MAP3K4: variants seen among roughly 807,000 people sequenced by gnomAD.
MAP3K4 encodes mitogen-activated protein kinase kinase kinase 4, also known as MAP three kinase 1.
Under a neutral mutation model 185.6 loss-of-function variants are expected in MAP3K4, and 67 were observed. The observed-to-expected ratio is 0.36, with a 90% CI of 0.30 to 0.44. The LOEUF is 0.44. MAP3K4 is among the 20% of genes least tolerant of loss of function. The pLI, the probability that MAP3K4 is intolerant of heterozygous loss-of-function variation, is 1.00. For synonymous variants in MAP3K4, 702 were observed against 710.4 expected, an observed-to-expected ratio of 0.99 and a Z score of 0.19; for missense variants, 1,551 against 1,995.1, an observed-to-expected ratio of 0.78 and a Z score of 4.24.
At position 161,097,640 on chromosome 6, in the gene MAP3K4, A is replaced by G. The variant is rs1309734092; in HGVS notation, c.3524+464A>G. On this transcript the variant is annotated intron_variant, in intron 16 of 26. Transcript: ENST00000392142. This position sits in a 1 kb window ranked among gnomAD's most constrained non-coding sequence, Gnocchi z 4.9. ...AACACTAAGTGAATTCAGAAACTAT[A>G]GTACATTCACGATAACTGCCTTGAA... Among the ~76,000 whole-genome samples the G allele has an allele frequency of 6.6e-6, 1 of 152,262 alleles. No individual in the cohort carries two copies. Among genetic ancestry groups the G allele is most frequent in the Non-Finnish European group, 1.5e-5 (1 of 68,042 alleles).
Position 161,091,364 on chromosome 6 carries a change from G to T in MAP3K4, c.2974-15G>T, listed in dbSNP as rs779889021. 5 of 1,608,282 alleles carry T rather than the reference G, an allele frequency of 3.1e-6. No individual in the cohort carries two copies. In the South Asian group the frequency reaches 4.4e-5, roughly 14 times the overall value. ...TTTGCTTCATTTTGCATTAATCATG[G>T]TTTGGACTCTTCAGAATGATGCATT... On this transcript the variant is annotated splice_polypyrimidine_tract_variant and intron_variant, in intron 11 of 26. Coordinates refer to ENST00000392142, the MANE Select transcript of MAP3K4 (RefSeq NM_005922.4). The surrounding 1 kb of genome is among the most constrained non-coding windows in gnomAD (Gnocchi z 5.5).
chr6:161,108,916 A>G lies in MAP3K4; in HGVS notation c.4236+57A>G. On this transcript the variant is annotated intron_variant, in intron 22 of 26. Coordinates refer to ENST00000392142, the MANE Select transcript of MAP3K4 (RefSeq NM_005922.4). The surrounding 1 kb of genome is among the most constrained non-coding windows in gnomAD (Gnocchi z 5.7). ...AGGAATCAGTGAGGGCACAGAATGG[A>G]GTCCTGTTCTACATCACAGGTCTTC... 6.3e-7 allele frequency: 1 copy of G among 1,590,260 alleles called. No homozygotes were observed. The highest frequency in any genetic ancestry group is 1.3e-5 in the African/African-American group (1 of 74,580).
At chr6:160,995,204 G>A (rs1293075150) in intron 1 of MAP3K4, among the ~76,000 whole-genome samples, 1 of 152,138 alleles carries the variant, frequency 6.6e-6, no homozygotes, top group African/African-American at 2.4e-5. Context: ...AATTAGTGAT[G>A]TTGAGCATTT....
intron 25 of MAP3K4, among the ~76,000 whole-genome samples, chr6:161,113,789 A>ATTTTTT (rs1436022473): frequency 9.9e-6 from 1 of 101,118 alleles, no homozygotes; most frequent in African/African-American, 3.9e-5. Context: ...CATATGAGTG[A>ATTTTTT]CTTTTTTTTT....
chr6:161,026,652 A>G (rs1057184901), intron 1 of MAP3K4, among the ~76,000 whole-genome samples: 1 of 152,092 alleles, frequency 6.6e-6, no homozygotes, highest in Non-Finnish European at 1.5e-5. Flanking sequence ...CAAAATTGCA[A>G]AAATAACAGA....
intron 3 of MAP3K4, among the ~76,000 whole-genome samples, chr6:161,065,937 C>CAAAAA (rs34648628): frequency 5.1e-5 from 4 of 78,790 alleles, no homozygotes; most frequent in South Asian, 5.3e-4. Context: ...GACTCCGTCT[C>CAAAAA]AAAAAAAAAA....
At position 161,098,235 on chromosome 6, in the gene MAP3K4, C is replaced by T; in HGVS notation, c.3525-43C>T. On this transcript the variant is annotated intron_variant, in intron 16 of 26. Transcript: ENST00000392142. The surrounding 1 kb of genome is among the most constrained non-coding windows in gnomAD (Gnocchi z 4.4). The stretch of plus-strand genomic sequence containing the variant: ...TTGAAAACAATTTTCAAGTCCGTTC[C>T]CTCTTCTCACATGTGTTCCTGAAGC... 4 of 1,543,314 alleles carry T rather than the reference C, an allele frequency of 2.6e-6. No individual in the cohort carries two copies. Among genetic ancestry groups the T allele is most frequent in the Non-Finnish European group, 3.5e-6 (4 of 1,139,438 alleles).
At chr6:161,069,800 G>A (rs1784857909) in intron 3 of MAP3K4, among the ~76,000 whole-genome samples, 1 of 152,072 alleles carries the variant, frequency 6.6e-6, no homozygotes, top group South Asian at 2.1e-4. Flanking sequence ...ATGATGGGGA[G>A]GGGAGAAATA....
chr6:161,028,988 G>A (rs1221345344), intron 1 of MAP3K4, among the ~76,000 whole-genome samples: 8 of 152,134 alleles, frequency 5.3e-5, no homozygotes, highest in African/African-American at 1.7e-4. Context: ...AGCTCCCTTT[G>A]ATTAATACTT....
chr6:161,044,717 A>G (rs1455910001), intron 2 of MAP3K4, among the ~76,000 whole-genome samples: 1 of 152,212 alleles, frequency 6.6e-6, no homozygotes, highest in Admixed American at 6.5e-5. Flanking sequence ...TATTTGGCTC[A>G]TGGTTCTGTA....
chr6:161,081,413 C>T (rs117189174), intron 6 of MAP3K4, among the ~76,000 whole-genome samples: 2,173 of 152,144 alleles, frequency 0.014, 18 homozygotes, highest in Non-Finnish European at 0.023. Flanking sequence ...ACTCTTTTTC[C>T]CCCTAATAAA....
rs1219959579 is a variant in MAP3K4, at chr6:161,103,934, G to C, written c.3856+1155G>C. On this transcript the variant is annotated intron_variant, in intron 19 of 26. Coordinates refer to ENST00000392142, the MANE Select transcript of MAP3K4 (RefSeq NM_005922.4). The surrounding 1 kb of genome is among the most constrained non-coding windows in gnomAD (Gnocchi z 4.6). Reference sequence around the variant, plus strand: ...GTGTGTGTTGAGGGTTCAAGTGGGGGAGTTTTCCTAGGCTTGAGCCAGGTG... The same window carrying C: ...GTGTGTGTTGAGGGTTCAAGTGGGGCAGTTTTCCTAGGCTTGAGCCAGGTG... Among the ~76,000 whole-genome samples the C allele has an allele frequency of 6.6e-6, 1 of 152,158 alleles. No homozygotes were observed. The highest frequency in any genetic ancestry group is 2.4e-5 in the African/African-American group (1 of 41,428).
At chr6:161,027,098 AC>A (rs1480433024) in intron 1 of MAP3K4, among the ~76,000 whole-genome samples, 3 of 152,130 alleles carry the variant, frequency 2.0e-5, no homozygotes, top group Admixed American at 6.6e-5. Flanking sequence ...TCATCCACTT[AC>A]CTACTTTTCC....
At chr6:161,012,996 A>C (rs1781918738) in intron 1 of MAP3K4, among the ~76,000 whole-genome samples, 1 of 152,246 alleles carries the variant, frequency 6.6e-6, no homozygotes, top group South Asian at 2.1e-4. Flanking sequence ...ACCTCTCGGT[A>C]CATACCACAA....
In MAP3K4 at chr6:160,991,928, A is replaced by G. The variant is rs1241022785; in HGVS notation, c.-4A>G. The G allele has an allele frequency of 6.5e-7, 1 of 1,533,070 alleles. No homozygotes were observed. Among genetic ancestry groups the G allele is most frequent in the African/African-American group, 1.4e-5 (1 of 70,732 alleles). 95.0% of individuals were successfully genotyped at this position (1,533,070 alleles called of 1,614,324 possible). A position where few individuals can be genotyped will look rare whatever the true frequency, so the allele number is the denominator to read the frequency against. On this transcript the variant is annotated 5_prime_UTR_variant, in exon 1 of 27. Coordinates refer to ENST00000392142, the MANE Select transcript of MAP3K4 (RefSeq NM_005922.4). The surrounding 1 kb of genome is among the most constrained non-coding windows in gnomAD (Gnocchi z 5.7). ...GCCGCGGCCATGCGGGGCTCCGTGC[A>G]CGGATGAGAGAAGCCGCTGCCGCGC...
In MAP3K4 at chr6:161,080,786, C is replaced by G. The variant is rs1429369742; in HGVS notation, c.2098-95C>G. On this transcript the variant is annotated intron_variant, in intron 5 of 26. Transcript: ENST00000392142. The surrounding 1 kb of genome is among the most constrained non-coding windows in gnomAD (Gnocchi z 4.8). ...TGCCTGTGACAGCCCCCGGCCCGCC[C>G]CCACTTTACCCTGCTGATGTGTAGC... 11 of 1,143,126 alleles carry G rather than the reference C, an allele frequency of 9.6e-6. No individual in the cohort carries two copies. Among genetic ancestry groups the G allele is most frequent in the Non-Finnish European group, 1.4e-5 (11 of 784,296 alleles). The allele number at this position is 1,143,126 out of a possible 1,614,324, so 70.8% of individuals were successfully genotyped here.
In MAP3K4 at chr6:161,096,889, T is replaced by A; in HGVS notation, c.3428-191T>A. 1 of 515,758 alleles carries A rather than the reference T, an allele frequency of 1.9e-6. No individual in the cohort carries two copies. The highest frequency in any genetic ancestry group is 3.5e-6 in the Non-Finnish European group (1 of 288,408). The allele number at this position is 515,758 out of a possible 1,614,324, so 31.9% of individuals were successfully genotyped here. A position where few individuals can be genotyped will look rare whatever the true frequency, so the allele number is the denominator to read the frequency against. Reference sequence around the variant, plus strand: ...AAAACTGTTAATATATAATAGGGCTTTACTGACTTTTAAAAAGTGACATTT... The same window carrying A: ...AAAACTGTTAATATATAATAGGGCTATACTGACTTTTAAAAAGTGACATTT... On this transcript the variant is annotated intron_variant, in intron 15 of 26. Transcript: ENST00000392142. The surrounding 1 kb of genome is among the most constrained non-coding windows in gnomAD (Gnocchi z 4.9).
At position 160,996,586 on chromosome 6, in the gene MAP3K4, C is replaced by T. The variant is rs1331289657; in HGVS notation, c.152+4503C>T. Among the ~76,000 whole-genome samples, 1 of 152,174 alleles carries T rather than the reference C, an allele frequency of 6.6e-6. No homozygotes were observed. Among genetic ancestry groups the T allele is most frequent in the Non-Finnish European group, 1.5e-5 (1 of 68,042 alleles). ...AGGTAGTATGTATGCTGTTTGAAGA[C>T]TCTTTAACGTTGCCTATCAGTAGGC... On this transcript the variant is annotated intron_variant, in intron 1 of 26. Transcript: ENST00000392142. This position sits in a 1 kb window ranked among gnomAD's most constrained non-coding sequence, Gnocchi z 4.5.
Position 161,050,000 on chromosome 6 carries a change from A to G in MAP3K4, c.1707+21A>G. The G allele has an allele frequency of 6.4e-7, 1 of 1,564,352 alleles. No individual in the cohort carries two copies. The highest frequency in any genetic ancestry group is 8.6e-7 in the Non-Finnish European group (1 of 1,157,210). On this transcript the variant is annotated intron_variant, in intron 3 of 26. Transcript: ENST00000392142. The surrounding 1 kb of genome is among the most constrained non-coding windows in gnomAD (Gnocchi z 8.4). ...TGGAGGTAGGTTTCCAGTAGGTATT[A>G]ATACAATGATATCCTTAGTTCCATT...
Sources: gnomAD v4.1 joint callset for allele counts (sites outside exome capture counted in the v4.1 genomes callset) on GRCh38, gnomAD v4.1.1 for gene constraint, Gnocchi (gnomAD v3.1) non-coding constraint, MANE v1.5 for transcripts, NCBI Gene and HGNC (gene_info 2026-07-23, HGNC 2026-07-21) for gene names.